The following G2E3 variants were observed in gnomAD, a reference collection of about 807,000 sequenced individuals.
G2E3 encodes G2/M phase-specific E3 ubiquitin-protein ligase.
In G2E3, 35 loss-of-function variants were observed where a neutral mutation model predicts 92.8. The ratio of observed to expected loss-of-function variants is 0.38; its 90% CI spans 0.29 to 0.50. G2E3 has a LOEUF of 0.50. Ranked by LOEUF, G2E3 falls within the 20% of genes least tolerant of loss-of-function variation. G2E3 has a pLI of 0.94. For synonymous variants in G2E3, 242 were observed against 272.4 expected (o/e 0.89, Z 1.10); for missense variants, 554 against 823.8 (o/e 0.67, Z 4.01).
At chr14:30,608,181 G>A in intron 12 of G2E3, 112 bp downstream of exon 12, 2 of 616,540 alleles carry the variant, frequency 3.2e-6, no homozygotes, top group Non-Finnish European at 5.3e-6. Flanking sequence ...GTTAGGGATT[G>A]TAAACATATA....
chr14:30,569,251 T>C (rs1879616334), intron 1 of G2E3, among the ~76,000 whole-genome samples: 3 of 152,182 alleles, frequency 2.0e-5, no homozygotes, highest in Non-Finnish European at 4.4e-5. Flanking sequence ...TGGTCTTTCT[T>C]GATCTCAGAA....
intron 1 of G2E3, among the ~76,000 whole-genome samples, chr14:30,577,512 C>G (rs1268715576): frequency 6.6e-6 from 1 of 152,070 alleles, no homozygotes; most frequent in East Asian, 1.9e-4. Flanking sequence ...AAATTGCAGT[C>G]GTATGAAGGC....
chr14:30,561,811 A>C (rs1381058243), intron 1 of G2E3, among the ~76,000 whole-genome samples: 1 of 149,820 alleles, frequency 6.7e-6, no homozygotes, highest in African/African-American at 2.5e-5. Flanking sequence ...ACAATTTAAC[A>C]CATTTTGTCT....
intron 1 of G2E3, chr14:30,573,611 A>T (rs1327713202): frequency 6.6e-6 from 1 of 152,166 alleles, no homozygotes; most frequent in Non-Finnish European, 1.5e-5. Flanking sequence ...CTGATGGTAT[A>T]GGTTCCAGTC....
chr14:30,583,406 A>G (rs113896030), intron 2 of G2E3, among the ~76,000 whole-genome samples: 3 of 152,162 alleles, frequency 2.0e-5, no homozygotes, highest in African/African-American at 7.2e-5. Flanking sequence ...GTCATAAAGC[A>G]CTAGTGAAGT....
intron 1 of G2E3, chr14:30,577,611 T>A (rs1880191290): frequency 6.6e-6 from 1 of 152,244 alleles, no homozygotes; most frequent in Admixed American, 6.5e-5. Flanking sequence ...ACTGGGTGTC[T>A]CCATGGTGTA....
chr14:30,565,371 C>A (rs982583287), intron 1 of G2E3, among the ~76,000 whole-genome samples: 1 of 152,074 alleles, frequency 6.6e-6, no homozygotes, highest in African/African-American at 2.4e-5. Flanking sequence ...AGATACTAGA[C>A]CCTTTTCAGG....
chr14:30,612,335 A>G lies in G2E3; in HGVS notation c.1629A>G (p.Ile543Met). Reference sequence around the variant, plus strand: ...ATAAATATATGTTAGTAAAAGACATACTTGGCTACCATGTAATTCAGAGAG... The same window carrying G: ...ATAAATATATGTTAGTAAAAGACATGCTTGGCTACCATGTAATTCAGAGAG... Reference protein sequence around the residue: ...LSDKYMLVKDILGYHVIQRVH... With the variant: ...LSDKYMLVKDMLGYHVIQRVH... The change falls in exon 13 of 15, where the codon ATA (isoleucine) becomes ATG (methionine). Residue 543 changes from isoleucine (I) to methionine (M), a missense_variant. Around this residue, in one of 3 missense-constraint regions of G2E3, gnomAD observed 397 missense variants for 560.3 expected, o/e 0.71. Coordinates refer to ENST00000206595, the MANE Select transcript of G2E3 (RefSeq NM_017769.5). 6.2e-7 allele frequency: 1 copy of G among 1,608,500 alleles called. No homozygotes were observed. The highest frequency in any genetic ancestry group is 8.5e-7 in the Non-Finnish European group (1 of 1,176,030).
intron 13 of G2E3, 73 bp from the exon 14 acceptor site, chr14:30,615,276 G>A (rs1283453592): frequency 1.4e-6 from 1 of 733,438 alleles, no homozygotes; most frequent in Admixed American, 3.1e-5. Flanking sequence ...CAGATAAAAT[G>A]CTGGAAATAT....
At position 30,605,820 on chromosome 14, in the gene G2E3, T is replaced by A. The variant is rs776113971; in HGVS notation, c.1318+8T>A. On this transcript the variant is annotated splice_region_variant and intron_variant, in intron 11 of 14. Coordinates refer to ENST00000206595, the MANE Select transcript of G2E3 (RefSeq NM_017769.5). ...TGTCTCTAAATTCTCAAGGTAATTA[T>A]TTTATTTATTGTTGTATATACCAAA... 3.7e-5 allele frequency: 53 copies of A among 1,447,158 alleles called. 1 individual carries two copies. The South Asian group carries it at 7.1e-4, about 19-fold the overall frequency. The allele number at this position is 1,447,158 out of a possible 1,614,324, so 89.6% of individuals were successfully genotyped here. A position where few individuals can be genotyped will look rare whatever the true frequency, so the allele number is the denominator to read the frequency against.
rs72666419 is a variant in G2E3 at position 30,590,858 on chromosome 14, A to G, written c.237+1374A>G. The G allele has an allele frequency of 2.2e-3, 853 of 383,582 alleles. 3 individuals are homozygous for G. The highest frequency in any genetic ancestry group is 3.6e-3 in the Non-Finnish European group (689 of 192,702). The allele number at this position is 383,582 out of a possible 1,614,324, so 23.8% of individuals were successfully genotyped here. On this transcript the variant is annotated intron_variant, in intron 4 of 14. Transcript: ENST00000206595. The stretch of plus-strand genomic sequence containing the variant: ...AGGTCCCCTTATGGTTTGGAACTAC[A>G]GATTGAATATCCCTTATCCAAAATG...
At chr14:30,584,127 T>C (rs919416702) in intron 2 of G2E3, among the ~76,000 whole-genome samples, 3 of 152,224 alleles carry the variant, frequency 2.0e-5, no homozygotes, top group Admixed American at 6.5e-5. Context: ...AGTAATATTG[T>C]GACCCTTTGT....
chr14:30,572,432 T>C (rs1879821603), intron 1 of G2E3, among the ~76,000 whole-genome samples: 1 of 152,194 alleles, frequency 6.6e-6, no homozygotes, highest in South Asian at 2.1e-4. Context: ...TATTGACATT[T>C]GTCAGATGCC....
chr14:30,595,347 T>G (rs953968877), intron 6 of G2E3, among the ~76,000 whole-genome samples: 1 of 152,248 alleles, frequency 6.6e-6, no homozygotes, highest in African/African-American at 2.4e-5. Flanking sequence ...ATATAATTGC[T>G]GCCAAATGTG....
At chr14:30,582,316 A>G (rs1202660514) in intron 2 of G2E3, among the ~76,000 whole-genome samples, 1 of 152,202 alleles carries the variant, frequency 6.6e-6, no homozygotes, top group African/African-American at 2.4e-5. Context: ...GGACAATTTT[A>G]CCAAATTTTA....
chr14:30,569,184 C>T (rs993431507), intron 1 of G2E3, among the ~76,000 whole-genome samples: 1 of 152,134 alleles, frequency 6.6e-6, no homozygotes, highest in African/African-American at 2.4e-5. Context: ...AAAGCCCCTA[C>T]CCCTTCTCTC....
At chr14:30,576,843 A>C (rs1174789682) in intron 1 of G2E3, among the ~76,000 whole-genome samples, 1 of 152,026 alleles carries the variant, frequency 6.6e-6, no homozygotes, top group Non-Finnish European at 1.5e-5. Context: ...GATTAAAAAA[A>C]TCAATCAATT....
Position 30,601,980 on chromosome 14 carries a change from T to G in G2E3, c.878-19T>G, listed in dbSNP as rs1277559393. 6.2e-7 allele frequency: 1 copy of G among 1,607,798 alleles called. No homozygotes were observed. Among genetic ancestry groups the G allele is most frequent in the Non-Finnish European group, 8.5e-7 (1 of 1,176,838 alleles). On this transcript the variant is annotated intron_variant, in intron 9 of 14. Transcript: ENST00000206595. ...TACCTATATCTCTATTATGCTAACA[T>G]GGAAATTTAAATCTGTAGGAGAGTT...
chr14:30,592,061 AG>A (rs1881042556), intron 4 of G2E3, among the ~76,000 whole-genome samples: 1 of 152,102 alleles, frequency 6.6e-6, no homozygotes, highest in Non-Finnish European at 1.5e-5. Context: ...AGGAAGGAAA[AG>A]GGGCTTCTCT....
Sources: gnomAD v4.1 joint callset for allele counts (sites outside exome capture counted in the v4.1 genomes callset) on GRCh38, gnomAD v4.1.1 for gene constraint, gnomAD v4.1.1 regional missense constraint, MANE v1.5 for transcripts, NCBI Gene and HGNC (gene_info 2026-07-23, HGNC 2026-07-21) for gene names.